DNAH6: variants seen among roughly 807,000 people sequenced by gnomAD.
The protein encoded by DNAH6 is dynein axonemal heavy chain 6.
A neutral mutation model predicts 491.4 loss-of-function variants in DNAH6; 340 were observed. The observed-to-expected ratio is 0.69, with a 90% CI of 0.63 to 0.76. The LOEUF is 0.76. Ranked by LOEUF, DNAH6 falls within the 30% of genes least tolerant of loss-of-function variation. The pLI, the probability that DNAH6 is intolerant of heterozygous loss-of-function variation, is 0.00. For synonymous variants in DNAH6, 1,603 were observed against 1,686.1 expected (o/e 0.95, Z 1.21); for missense variants, 4,443 against 4,972.2 (o/e 0.89, Z 3.20).
chr2:84,682,750 A>G (rs1221491368), intron 42 of DNAH6, among the ~76,000 whole-genome samples: 4 of 152,018 alleles, frequency 2.6e-5, no homozygotes, highest in African/African-American at 9.7e-5. Flanking sequence ...CCCGAATCTA[A>G]CCACTCCTCA....
intron 8 of DNAH6, among the ~76,000 whole-genome samples, chr2:84,549,095 C>A (rs114146380): frequency 4.1e-4 from 62 of 152,324 alleles, no homozygotes; most frequent in Non-Finnish European, 7.9e-4. Context: ...CTAGCTCTGA[C>A]ACCTGCTTAC....
intron 62 of DNAH6, among the ~76,000 whole-genome samples, chr2:84,734,984 A>G (rs746850608): frequency 1.3e-5 from 2 of 152,038 alleles, no homozygotes; most frequent in Non-Finnish European, 2.9e-5. Context: ...TGGGCTTCTA[A>G]TGATCTCATT....
chr2:84,530,627 A>G (rs1677077837), intron 4 of DNAH6, among the ~76,000 whole-genome samples: 1 of 152,184 alleles, frequency 6.6e-6, no homozygotes, highest in Admixed American at 6.5e-5. Flanking sequence ...TGTGTGAAGA[A>G]TAGGCTTTGA....
In DNAH6 at chr2:84,543,153, C is replaced by T. The variant is rs1368273092; in HGVS notation, c.663-1080C>T. On this transcript the variant is annotated intron_variant, in intron 4 of 76. Transcript: ENST00000389394. ...CATCCTGGGCAACAGAGCGAGACTC[C>T]CTCTCAAAGATAATCATAATAATAG... is the stretch of plus-strand genomic sequence containing the variant. Among the ~76,000 whole-genome samples, 14 of 151,972 alleles carry T rather than the reference C, an allele frequency of 9.2e-5. No individual in the cohort carries two copies. The East Asian group carries it at 2.5e-3, about 27-fold the overall frequency.
In DNAH6 at chr2:84,745,169, G is replaced by A. The variant is rs1672846807; in HGVS notation, c.10432G>A (p.Ala3478Thr). The change falls in exon 63 of 77, where the codon GCA becomes ACA. Residue 3478 changes from alanine (A) to threonine (T), a missense_variant. By Grantham distance (58) the Ala-to-Thr change is moderately conservative. Around this residue, in one of 3 missense-constraint regions of DNAH6, gnomAD observed 1,463 missense variants for 1,656.6 expected, o/e 0.88. Transcript: ENST00000389394. ...EDKHMRQEKEAAHQDPWSAGL... is the reference protein window; with the variant it reads ...EDKHMRQEKETAHQDPWSAGL... ...TAAACACATGAGACAGGAAAAGGAG[G>A]CAGCACACCAAGATCCATGGAGTGC... 1.3e-6 allele frequency: 2 copies of A among 1,549,738 alleles called. No homozygotes were observed. The highest frequency in any genetic ancestry group is 2.7e-5 in the African/African-American group (2 of 72,972).
intron 11 of DNAH6, among the ~76,000 whole-genome samples, chr2:84,568,707 A>T (rs774431235): frequency 6.6e-6 from 1 of 152,204 alleles, no homozygotes; most frequent in Non-Finnish European, 1.5e-5. Context: ...CTGCACATGC[A>T]TCCTGGAACT....
intron 62 of DNAH6, 105 bp downstream of exon 62, chr2:84,733,684 A>G: frequency 9.5e-7 from 1 of 1,047,772 alleles, no homozygotes; most frequent in African/African-American, 1.6e-5. Flanking sequence ...ATTTTTCACT[A>G]GGAACTTCCT....
rs2104305182 is a variant in DNAH6 at position 84,607,093 on chromosome 2, C to T, written c.3292C>T (p.Leu1098=). The T allele has an allele frequency of 6.4e-6, 10 of 1,550,922 alleles. No homozygotes were observed. The highest frequency in any genetic ancestry group is 1.4e-5 in the African/African-American group (1 of 73,136). The part of the protein sequence containing the change: ...QKQLALFNQT[L]EEWLTCQRNW... Reference sequence around the variant, plus strand: ...ACAACTTGCTTTATTTAATCAAACACTGGTGAGTAAGAATAATTTTGATTC... The same window carrying T: ...ACAACTTGCTTTATTTAATCAAACATTGGTGAGTAAGAATAATTTTGATTC... The change falls in exon 21 of 77, where the codon CTG becomes TTG. Residue 1098 remains leucine (L), a splice_region_variant and synonymous_variant. Transcript: ENST00000389394.
At chr2:84,600,740 A>T (rs1010685589) in intron 18 of DNAH6, among the ~76,000 whole-genome samples, 1 of 151,964 alleles carries the variant, frequency 6.6e-6, no homozygotes, top group Non-Finnish European at 1.5e-5. Context: ...GATGGTGTTC[A>T]GCTTGACCAC....
At chr2:84,673,197 T>TA (rs1412463514) in intron 40 of DNAH6, among the ~76,000 whole-genome samples, 1 of 152,068 alleles carries the variant, frequency 6.6e-6, no homozygotes, top group Non-Finnish European at 1.5e-5. Context: ...GAATGTAAAA[T>TA]ACTACGGTGG....
At chr2:84,695,513 A>C (rs1221896666) in intron 46 of DNAH6, among the ~76,000 whole-genome samples, 2 of 152,120 alleles carry the variant, frequency 1.3e-5, no homozygotes, top group African/African-American at 4.8e-5. Flanking sequence ...AGTTGCATGT[A>C]TAAGAATATC....
At chr2:84,582,218 A>G (rs187451531) in intron 14 of DNAH6, among the ~76,000 whole-genome samples, 101 of 152,340 alleles carry the variant, frequency 6.6e-4, no homozygotes, top group Non-Finnish European at 6.9e-4. Context: ...TCAGAATCCT[A>G]AAGTATGGAT....
At position 84,672,330 on chromosome 2, in the gene DNAH6, C is replaced by T. The variant is rs1422547424; in HGVS notation, c.6458C>T (p.Ala2153Val). The T allele has an allele frequency of 1.3e-6, 2 of 1,546,304 alleles. No individual in the cohort carries two copies. Among genetic ancestry groups the T allele is most frequent in the Admixed American group, 2.0e-5 (1 of 49,964 alleles). Reference protein sequence around the residue: ...LERKRKNILGAPGNKRIVIFV... With the variant: ...LERKRKNILGVPGNKRIVIFV... ...TAAATTCATTTTATTTCCCTAGGAG[C>T]ACCGGGAAACAAACGAATTGTGATT... The change falls in exon 40 of 77, where the codon GCA becomes GTA. Residue 2153 changes from alanine (A) to valine (V), a missense_variant. Transcript: ENST00000389394.
intron 11 of DNAH6, among the ~76,000 whole-genome samples, chr2:84,562,711 T>G (rs1050501974): frequency 1.3e-5 from 2 of 152,156 alleles, no homozygotes; most frequent in Non-Finnish European, 2.9e-5. Flanking sequence ...AAGAGTCCTC[T>G]CCATTGGAGT....
chr2:84,606,561 TGAGA>T (rs1395998848), intron 20 of DNAH6, among the ~76,000 whole-genome samples: 1 of 152,050 alleles, frequency 6.6e-6, no homozygotes, highest in Non-Finnish European at 1.5e-5. Flanking sequence ...TTGAGATAAT[TGAGA>T]GAAAGTGATA....
chr2:84,658,426 C>A lies in DNAH6; in HGVS notation c.5892C>A (p.Cys1964Ter). 6.5e-7 allele frequency: 1 copy of A among 1,542,842 alleles called. No individual in the cohort carries two copies. The highest frequency in any genetic ancestry group is 2.5e-5 in the East Asian group (1 of 40,472). The change falls in exon 36 of 77, where the codon TGC becomes TGA. Residue 1964 changes from cysteine (C) to a stop codon, truncating the protein, a stop_gained. Coordinates refer to ENST00000389394, the MANE Select transcript of DNAH6 (RefSeq NM_001370.2). LOFTEE classifies it high-confidence loss of function. ...TCAGCAAAGTTACTACACTCTGTTG[C>A]TTATTGGAGTCCTTGATACTTGGGA... ...VDISKVTTLC[C>*]LLESLILGKD...
chr2:84,518,522 C>A (rs559417095), intron 2 of DNAH6, among the ~76,000 whole-genome samples: 60 of 152,256 alleles, frequency 3.9e-4, no homozygotes, highest in African/African-American at 1.3e-3. Flanking sequence ...ATGTAAAGAG[C>A]AGTGAAAGCG....
At chr2:84,621,716 AT>A (rs1302041845) in intron 26 of DNAH6, among the ~76,000 whole-genome samples, 165 bp downstream of exon 26, 11 of 152,142 alleles carry the variant, frequency 7.2e-5, no homozygotes, top group Admixed American at 7.2e-4. Context: ...TTTGTTTTAC[AT>A]TTTTTAGAGA....
At chr2:84,656,686 A>C (rs889743485) in intron 35 of DNAH6, among the ~76,000 whole-genome samples, 1 of 152,044 alleles carries the variant, frequency 6.6e-6, no homozygotes, top group African/African-American at 2.4e-5. Flanking sequence ...TTTGAATTCA[A>C]TTCTTTATCA....
Sources: allele counts gnomAD v4.1 joint callset (sites outside exome capture counted in the v4.1 genomes callset), GRCh38; gene constraint gnomAD v4.1.1; regional missense constraint gnomAD v4.1.1; transcripts MANE v1.5; gene names NCBI Gene and HGNC (gene_info 2026-07-23, HGNC 2026-07-21).